The following SLC35D4 variants were observed in gnomAD, a reference collection of about 807,000 sequenced individuals.
The protein encoded by SLC35D4 is solute carrier family 35 member D4.
chr18:23,264,066 A>C, the SLC35D4 span, among the ~76,000 whole-genome samples: 4 of 152,238 alleles, frequency 2.6e-5, no homozygotes, highest in African/African-American at 9.6e-5. Flanking sequence ...GAGCCATCGC[A>C]AAACAAATTA....
At chr18:23,430,494 G>T in the SLC35D4 span, 1 of 635,950 alleles carries the variant, frequency 1.6e-6, no homozygotes. Flanking sequence ...ATAAATGTCT[G>T]TTAATAAGGC....
the SLC35D4 span, among the ~76,000 whole-genome samples, chr18:23,316,846 A>C: frequency 6.6e-6 from 1 of 152,344 alleles, no homozygotes; most frequent in South Asian, 2.1e-4. Context: ...TGATGAGGGC[A>C]TAAAATGTCC....
the SLC35D4 span, among the ~76,000 whole-genome samples, chr18:23,364,161 T>A: frequency 6.6e-6 from 1 of 152,226 alleles, no homozygotes; most frequent in African/African-American, 2.4e-5. Flanking sequence ...AAGCTGTTAC[T>A]GCTTTAAGCA....
At chr18:23,283,209 G>A in the SLC35D4 span, among the ~76,000 whole-genome samples, 4 of 152,198 alleles carry the variant, frequency 2.6e-5, no homozygotes, top group South Asian at 2.1e-4. Context: ...AAGGAAGGCC[G>A]GGCGTAGTGG....
At chr18:23,434,853 C>A in the SLC35D4 span, among the ~76,000 whole-genome samples, 8 of 151,346 alleles carry the variant, frequency 5.3e-5, no homozygotes, top group African/African-American at 1.9e-4. Flanking sequence ...TGAAAAAGTG[C>A]CACAAATGAA....
the SLC35D4 span, among the ~76,000 whole-genome samples, chr18:23,399,896 G>T: frequency 6.6e-6 from 1 of 152,210 alleles, no homozygotes; most frequent in African/African-American, 2.4e-5. Flanking sequence ...AATGGCAAAC[G>T]CCTTGCTGCA....
the SLC35D4 span, among the ~76,000 whole-genome samples, chr18:23,275,016 T>TGCTTGTGTGAGTGTGCGTATGA: frequency 4.7e-5 from 7 of 149,330 alleles, no homozygotes; most frequent in African/African-American, 1.2e-4. Context: ...TGTATGTGTG[T>TGCTTGTGTGAGTGTGCGTATGA]GCTTGTGTGT....
chr18:23,415,091 A>G, the SLC35D4 span, among the ~76,000 whole-genome samples: 12 of 152,232 alleles, frequency 7.9e-5, no homozygotes, highest in Non-Finnish European at 1.6e-4. Context: ...AAGCCTGGGC[A>G]ACAGAGCAAG....
the SLC35D4 span, among the ~76,000 whole-genome samples, chr18:23,369,197 G>A: frequency 6.6e-6 from 1 of 152,192 alleles, no homozygotes; most frequent in Non-Finnish European, 1.5e-5. Context: ...CAACTCTACT[G>A]GCTTCTTGCT....
the SLC35D4 span, chr18:23,421,431 T>C: frequency 6.2e-7 from 1 of 1,614,020 alleles, no homozygotes. Context: ...AGTCCACCAA[T>C]GAGCGTCTGC....
chr18:23,358,471 C>A, the SLC35D4 span, among the ~76,000 whole-genome samples: 31 of 151,982 alleles, frequency 2.0e-4, no homozygotes, highest in Non-Finnish European at 3.2e-4. Context: ...ACACAGTCCT[C>A]GGGAAATCAT....
the SLC35D4 span, among the ~76,000 whole-genome samples, chr18:23,320,579 A>G: frequency 6.6e-6 from 1 of 152,248 alleles, no homozygotes; most frequent in Non-Finnish European, 1.5e-5. Flanking sequence ...GAAGAACTGT[A>G]GAAGCTCCAG....
chr18:23,346,246 G>C, the SLC35D4 span, among the ~76,000 whole-genome samples: 1 of 152,182 alleles, frequency 6.6e-6, no homozygotes, highest in South Asian at 2.1e-4. Context: ...CGATCCTCCT[G>C]CCTCAGCCTC....
the SLC35D4 span, chr18:23,297,601 G>A: frequency 1.3e-4 from 21 of 159,460 alleles, no homozygotes; most frequent in Admixed American, 8.9e-4. Flanking sequence ...CCACTACCTT[G>A]CACTGAAAGC....
At chr18:23,406,335 G>A in the SLC35D4 span, among the ~76,000 whole-genome samples, 2 of 152,130 alleles carry the variant, frequency 1.3e-5, no homozygotes, top group South Asian at 4.1e-4. Context: ...TGTCATGGGC[G>A]GCAGGGGGTG....
chr18:23,390,636 G>C, the SLC35D4 span, among the ~76,000 whole-genome samples: 1 of 152,112 alleles, frequency 6.6e-6, no homozygotes, highest in African/African-American at 2.4e-5. Flanking sequence ...TATTTGTTCA[G>C]GTGTTGGAAC....
the SLC35D4 span, among the ~76,000 whole-genome samples, chr18:23,370,876 C>T: frequency 4.4e-4 from 67 of 151,756 alleles, no homozygotes; most frequent in Non-Finnish European, 7.4e-4. Flanking sequence ...ATATTTGTCA[C>T]GAAAAAGAGG....
At chr18:23,378,368 T>C in the SLC35D4 span, among the ~76,000 whole-genome samples, 1 of 152,072 alleles carries the variant, frequency 6.6e-6, no homozygotes, top group Non-Finnish European at 1.5e-5. Context: ...TCTCTTTAAA[T>C]ATTCCATTCA....
the SLC35D4 span, among the ~76,000 whole-genome samples, chr18:23,272,136 C>T: frequency 2.0e-5 from 3 of 152,180 alleles, no homozygotes; most frequent in African/African-American, 4.8e-5. Context: ...AAGTAAGGGG[C>T]AGTCTTGTGG....
Sources: allele counts gnomAD v4.1 joint callset (sites outside exome capture counted in the v4.1 genomes callset), GRCh38; gene constraint gnomAD v4.1.1; transcripts MANE v1.5; gene names NCBI Gene and HGNC (gene_info 2026-07-23, HGNC 2026-07-21).